Variants in TENM2 observed in about 807,000 individuals in gnomAD.
TENM2 encodes the protein teneurin-2.
TENM2 carries 52 observed loss-of-function variants against 245.2 expected under a neutral mutation model. The observed-to-expected ratio is 0.21, with a 90% CI of 0.17 to 0.27. The LOEUF (loss-of-function observed/expected upper bound fraction) is 0.27, where lower values mean the gene tolerates loss of function less well. Ranked by LOEUF, TENM2 falls within the 10% of genes least tolerant of loss-of-function variation. The pLI is 1.00. For missense variants in TENM2, 3,046 were observed against 3,666.8 expected, an observed-to-expected ratio of 0.83 and a Z score of 4.37; for synonymous variants, 1,363 against 1,438.9, an observed-to-expected ratio of 0.95 and a Z score of 1.19.
intron 7 of TENM2, among the ~76,000 whole-genome samples, chr5:168,067,228 A>C (rs1313412973): frequency 1.3e-5 from 2 of 152,104 alleles, no homozygotes; most frequent in African/African-American, 4.8e-5. Flanking sequence ...AAGTTGATTA[A>C]AAGAGATTCT....
In TENM2 at chr5:167,627,995, A is replaced by G. The variant is rs1778621736; in HGVS notation, c.503-247991A>G. On this transcript the variant is annotated intron_variant, in intron 2 of 28. Transcript: ENST00000518659. ...AATCACAAGTATATTTTGTGTTTGT[A>G]AAGAACTTTACGGTAGAACGGCAGT... Among the ~76,000 whole-genome samples the G allele has an allele frequency of 2.6e-5, 4 of 152,200 alleles. No individual in the cohort carries two copies. In the South Asian group the frequency reaches 6.2e-4, roughly 24 times the overall value.
intron 3 of TENM2, among the ~76,000 whole-genome samples, chr5:167,951,601 T>C (rs1780107362): frequency 6.6e-6 from 1 of 152,088 alleles, no homozygotes; most frequent in African/African-American, 2.4e-5. Flanking sequence ...CCTGCAAGGA[T>C]AGAGGATTTT....
intron 2 of TENM2, among the ~76,000 whole-genome samples, chr5:167,424,797 C>T (rs897571038): frequency 6.6e-6 from 1 of 152,108 alleles, no homozygotes; most frequent in Non-Finnish European, 1.5e-5. Context: ...GTTGTTAGCA[C>T]ATTACTTATT....
At chr5:167,748,069 A>G (rs935240746) in intron 2 of TENM2, among the ~76,000 whole-genome samples, 2 of 152,188 alleles carry the variant, frequency 1.3e-5, no homozygotes, top group African/African-American at 4.8e-5. Flanking sequence ...TGCTTTTTGA[A>G]CATGTACTTT....
intron 2 of TENM2, among the ~76,000 whole-genome samples, chr5:167,382,982 A>C (rs1761181652): frequency 1.3e-5 from 2 of 152,136 alleles, no homozygotes. Flanking sequence ...AAAAATAGAA[A>C]AGTACTCTCA....
At chr5:167,481,812 C>T (rs1312429573) in intron 2 of TENM2, among the ~76,000 whole-genome samples, 2 of 152,132 alleles carry the variant, frequency 1.3e-5, no homozygotes, top group African/African-American at 4.8e-5. Flanking sequence ...ACTGGTATTA[C>T]AAAAAATTAT....
the TENM2 span, among the ~76,000 whole-genome samples, chr5:167,219,409 T>G: frequency 1.3e-5 from 2 of 152,170 alleles, no homozygotes; most frequent in African/African-American, 4.8e-5. Flanking sequence ...CTTGATCCCT[T>G]CTAGCCTCCC....
the TENM2 span, among the ~76,000 whole-genome samples, chr5:167,118,519 G>A: frequency 1.3e-5 from 2 of 152,164 alleles, no homozygotes; most frequent in East Asian, 1.9e-4. Flanking sequence ...GGAAAGCTCA[G>A]TTATATATTA....
intron 2 of TENM2, among the ~76,000 whole-genome samples, chr5:167,453,297 T>C (rs1486439247): frequency 6.6e-6 from 1 of 152,142 alleles, no homozygotes; most frequent in Admixed American, 6.5e-5. Context: ...GCATTTGTTT[T>C]GTTGAAATGG....
At chr5:168,085,061 A>G (rs1186337391) in intron 7 of TENM2, among the ~76,000 whole-genome samples, 1 of 152,214 alleles carries the variant, frequency 6.6e-6, no homozygotes, top group East Asian at 1.9e-4. Flanking sequence ...TTGCTTGGCC[A>G]CCAACCAAGC....
At chr5:167,001,013 T>A in the TENM2 span, among the ~76,000 whole-genome samples, 1 of 152,180 alleles carries the variant, frequency 6.6e-6, no homozygotes, top group Admixed American at 6.5e-5. Flanking sequence ...GCCAATGCAT[T>A]GGCTGATTGG....
intron 7 of TENM2, among the ~76,000 whole-genome samples, chr5:168,079,980 A>C (rs1052795038): frequency 6.6e-6 from 1 of 151,996 alleles, no homozygotes; most frequent in Non-Finnish European, 1.5e-5. Context: ...TTTTTCTATT[A>C]ATTGGAATAG....
chr5:167,554,848 T>TTC (rs138406596), intron 2 of TENM2, among the ~76,000 whole-genome samples: 1 of 151,598 alleles, frequency 6.6e-6, no homozygotes, highest in Admixed American at 6.6e-5. Context: ...TCAAAGGAGC[T>TTC]TCTCTCTCTC....
At chr5:167,230,771 ATG>A in the TENM2 span, among the ~76,000 whole-genome samples, 2 of 152,184 alleles carry the variant, frequency 1.3e-5, no homozygotes, top group African/African-American at 4.8e-5. Context: ...TTAGAATATA[ATG>A]TATATTAGAA....
chr5:167,567,827 G>A (rs1416122292), intron 2 of TENM2, among the ~76,000 whole-genome samples: 1 of 152,112 alleles, frequency 6.6e-6, no homozygotes, highest in East Asian at 1.9e-4. Flanking sequence ...TAAAAGGCCA[G>A]GGACTGTATT....
At chr5:168,075,956 A>G (rs1791429039) in intron 7 of TENM2, among the ~76,000 whole-genome samples, 2 of 152,036 alleles carry the variant, frequency 1.3e-5, no homozygotes, top group Admixed American at 6.5e-5. Context: ...ACCCACCCCC[A>G]TGATTCAAAT....
intron 2 of TENM2, among the ~76,000 whole-genome samples, chr5:167,706,829 A>G (rs1015504469): frequency 6.6e-6 from 1 of 151,898 alleles, no homozygotes; most frequent in Non-Finnish European, 1.5e-5. Flanking sequence ...CCTGGCTAAC[A>G]TGGTGAAAGC....
At chr5:167,737,395 G>A (rs1760876282) in intron 2 of TENM2, among the ~76,000 whole-genome samples, 1 of 152,194 alleles carries the variant, frequency 6.6e-6, no homozygotes, top group African/African-American at 2.4e-5. Flanking sequence ...GCCCCAGCCT[G>A]GGAGTCCAAA....
At chr5:168,204,589 C>G in exon 19 of TENM2, 1 of 1,614,032 alleles carries the variant, frequency 6.2e-7, no homozygotes, top group Non-Finnish European at 8.5e-7. Flanking sequence ...GCATCTTTCC[C>G]TCTCGAAATG....
Sources: gnomAD v4.1 joint callset for allele counts (sites outside exome capture counted in the v4.1 genomes callset) on GRCh38, gnomAD v4.1.1 for gene constraint, MANE v1.5 for transcripts, NCBI Gene and HGNC (gene_info 2026-07-23, HGNC 2026-07-21) for gene names.